Variants in KAZN observed in about 807,000 individuals in gnomAD.
KAZN encodes kazrin.
A neutral mutation model predicts 87.4 loss-of-function variants in KAZN; 40 were observed. That is an observed-to-expected ratio of 0.46 (90% CI 0.36 to 0.60). The LOEUF (loss-of-function observed/expected upper bound fraction) is 0.60, where lower values mean the gene tolerates loss of function less well. Among genes scored for constraint, KAZN ranks in the 20% least tolerant of loss-of-function variants. The probability of loss-of-function intolerance (pLI) is 0.00; values close to 1 mark genes in which losing one functional copy is unlikely to be tolerated. For missense variants in KAZN, 898 were observed against 1,073.9 expected (o/e 0.84, Z 2.29); for synonymous variants, 466 against 458.3 (o/e 1.02, Z -0.22).
intron 8 of KAZN, among the ~76,000 whole-genome samples, chr1:15,069,250 T>G (rs80151552): frequency 6.6e-6 from 1 of 152,060 alleles, no homozygotes; most frequent in Non-Finnish European, 1.5e-5. Flanking sequence ...GCCTCTGATT[T>G]CTCACTTTAC....
At chr1:14,994,782 G>A (rs1667710053) in intron 2 of KAZN, among the ~76,000 whole-genome samples, 1 of 152,224 alleles carries the variant, frequency 6.6e-6, no homozygotes, top group Non-Finnish European at 1.5e-5. Flanking sequence ...GAGACTCCGT[G>A]TATTCATCGG....
At chr1:14,888,251 C>T (rs1654317425) in intron 1 of KAZN, among the ~76,000 whole-genome samples, 1 of 152,230 alleles carries the variant, frequency 6.6e-6, no homozygotes. Context: ...CCTCTCTCAT[C>T]AGTCTCCCAG....
intron 2 of KAZN, among the ~76,000 whole-genome samples, chr1:14,381,945 A>C (rs1361302602): frequency 6.6e-6 from 1 of 152,214 alleles, no homozygotes; most frequent in East Asian, 1.9e-4. Flanking sequence ...ACTCCACCAA[A>C]AAACTATTAG....
intron 1 of KAZN, among the ~76,000 whole-genome samples, chr1:14,936,585 C>G (rs1466429423): frequency 6.6e-6 from 1 of 152,152 alleles, no homozygotes; most frequent in African/African-American, 2.4e-5. Context: ...CAGTTAAGGC[C>G]TCACCTACCT....
At chr1:15,033,455 G>A (rs141182411) in intron 2 of KAZN, among the ~76,000 whole-genome samples, 8 of 152,266 alleles carry the variant, frequency 5.3e-5, no homozygotes, top group South Asian at 2.1e-4. Context: ...TCGCAGGGTC[G>A]TATGGTAAGT....
intron 2 of KAZN, among the ~76,000 whole-genome samples, chr1:14,386,059 A>G (rs1432668103): frequency 1.3e-5 from 2 of 151,712 alleles, no homozygotes; most frequent in Admixed American, 6.6e-5. Flanking sequence ...TCCCTTTACC[A>G]TGATGTAATG....
At chr1:14,564,983 G>A (rs1219992852) in intron 2 of KAZN, among the ~76,000 whole-genome samples, 1 of 151,146 alleles carries the variant, frequency 6.6e-6, no homozygotes, top group East Asian at 2.0e-4. Flanking sequence ...AAGAGAATTT[G>A]GATACTGGGG....
chr1:15,074,777 C>G (rs1018157753), intron 8 of KAZN, among the ~76,000 whole-genome samples: 2 of 152,168 alleles, frequency 1.3e-5, no homozygotes, highest in Non-Finnish European at 2.9e-5. Context: ...TACCTGGTAA[C>G]CTTAGGCAAA....
At chr1:14,385,022 A>C (rs1328523884) in intron 2 of KAZN, among the ~76,000 whole-genome samples, 1 of 151,114 alleles carries the variant, frequency 6.6e-6, no homozygotes, top group African/African-American at 2.4e-5. Context: ...CAGAGATTCA[A>C]CTTCTTCCTG....
chr1:13,965,307 G>A (rs535724651), intron 1 of KAZN, among the ~76,000 whole-genome samples: 5 of 152,226 alleles, frequency 3.3e-5, no homozygotes, highest in African/African-American at 7.2e-5. Context: ...GGTGACTCAC[G>A]CCCTGGGAAA....
chr1:14,353,508 C>T (rs1015726747), intron 2 of KAZN, among the ~76,000 whole-genome samples: 6 of 152,194 alleles, frequency 3.9e-5, no homozygotes, highest in African/African-American at 4.8e-5. Context: ...CGTGAGCCAC[C>T]GCGCCCGGCC....
In KAZN at chr1:14,774,731, C is replaced by T. The variant is rs117376839; in HGVS notation, c.226+175508C>T. Among the ~76,000 whole-genome samples the T allele has an allele frequency of 2.6e-5, 4 of 152,262 alleles. No individual in the cohort carries two copies. The East Asian group carries it at 7.8e-4, about 30-fold the overall frequency. ...AACTCCTGACCTCAAGTGATCCTCC[C>T]ACCGTGGCCTCCCAAAGTGCTGGGA... On this transcript the variant is annotated intron_variant, in intron 1 of 14. Transcript: ENST00000376030.
At chr1:14,663,744 C>T (rs1639336129) in intron 1 of KAZN, among the ~76,000 whole-genome samples, 1 of 152,174 alleles carries the variant, frequency 6.6e-6, no homozygotes, top group Admixed American at 6.5e-5. Flanking sequence ...CAGTTGTTAC[C>T]AATGACAGGA....
At chr1:14,290,108 C>A (rs1010804874) in intron 2 of KAZN, among the ~76,000 whole-genome samples, 1 of 152,182 alleles carries the variant, frequency 6.6e-6, no homozygotes, top group Non-Finnish European at 1.5e-5. Flanking sequence ...CTGCCCTTAA[C>A]ATTTTTTCCT....
At chr1:13,951,288 G>T (rs771240671) in intron 1 of KAZN, among the ~76,000 whole-genome samples, 3 of 152,076 alleles carry the variant, frequency 2.0e-5, no homozygotes, top group Non-Finnish European at 2.9e-5. Context: ...TTCAAATCCT[G>T]GATCTGGATC....
intron 1 of KAZN, among the ~76,000 whole-genome samples, chr1:14,150,656 A>G (rs934508611): frequency 6.6e-6 from 1 of 152,194 alleles, no homozygotes. Context: ...GCATGAACCC[A>G]TTGTTGTAAT....
At chr1:14,983,581 TACCTTGAGGATAAAACTGC>T (rs113109901) in intron 2 of KAZN, among the ~76,000 whole-genome samples, 23 of 152,260 alleles carry the variant, frequency 1.5e-4, no homozygotes, top group African/African-American at 5.5e-4. Context: ...TCTAGGGATG[TACCTTGAGGATAAAACTGC>T]ACAAATATGA....
chr1:14,267,536 G>A (rs148460122), intron 2 of KAZN, among the ~76,000 whole-genome samples: 29 of 152,190 alleles, frequency 1.9e-4, no homozygotes, highest in African/African-American at 6.3e-4. Context: ...ATACTATACC[G>A]TTTTTTATAA....
intron 2 of KAZN, among the ~76,000 whole-genome samples, chr1:14,592,485 C>T (rs536894931): frequency 1.2e-4 from 18 of 152,354 alleles, no homozygotes; most frequent in Non-Finnish European, 2.6e-4. Context: ...AGACACTGGG[C>T]ACCACACCAG....
Sources: allele counts gnomAD v4.1 joint callset (sites outside exome capture counted in the v4.1 genomes callset), GRCh38; gene constraint gnomAD v4.1.1; transcripts MANE v1.5; gene names NCBI Gene and HGNC (gene_info 2026-07-23, HGNC 2026-07-21).